CHD3: variants seen among roughly 807,000 people sequenced by gnomAD.
CHD3 encodes the protein chromodomain helicase DNA binding protein 3, also known as ATP-dependent chromatin remodeler CHD3.
Under a neutral mutation model 248.9 loss-of-function variants are expected in CHD3, and 52 were observed. The observed-to-expected ratio is 0.21, with a 90% CI of 0.17 to 0.26. The LOEUF is 0.26. Ranked by LOEUF, CHD3 falls within the 10% of genes least tolerant of loss-of-function variation. The pLI, the probability that CHD3 is intolerant of heterozygous loss-of-function variation, is 1.00. For missense variants in CHD3, 1,482 were observed against 2,605.8 expected (o/e 0.57, Z 9.39); for synonymous variants, 985 against 985.2 (o/e 1.00, Z 0.00).
At chr17:7,887,047 TG>T (rs1446429816), upstream of CHD3, among the ~76,000 whole-genome samples, 2 of 152,104 alleles carry the variant, frequency 1.3e-5, no homozygotes, top group African/African-American at 2.4e-5. Context: ...GTCGAATGAG[TG>T]ACCCAGATAC....
Position 7,900,178 on chromosome 17 carries a change from G to A in CHD3, c.2683-112G>A, listed in dbSNP as rs1970141063. ...AGAGGGAGAGGGCCAGAGATTTGGG[G>A]CCTCTGATCCTGAGTGAAATGGGAG... On this transcript the variant is annotated intron_variant, in intron 16 of 39. Transcript: ENST00000330494. The surrounding 1 kb of genome is among the most constrained non-coding windows in gnomAD (Gnocchi z 6.5). 1 of 1,538,258 alleles carries A rather than the reference G, an allele frequency of 6.5e-7. No homozygotes were observed. Among genetic ancestry groups the A allele is most frequent in the Admixed American group, 1.8e-5 (1 of 54,952 alleles).
rs1332789015 is a variant in CHD3, at chr17:7,890,816, G to T, written c.384+75G>T. The T allele has an allele frequency of 3.2e-6, 5 of 1,581,608 alleles. No individual in the cohort carries two copies. In the African/African-American group the frequency reaches 6.8e-5, roughly 21 times the overall value. On this transcript the variant is annotated intron_variant, in intron 3 of 39. Coordinates refer to ENST00000330494, the MANE Select transcript of CHD3 (RefSeq NM_001005273.3). ...ATGAGGAGGGGAGGAATGGAGACTG[G>T]ACTGGAGAATGGGGCAAGAAGCAAG...
chr17:7,899,519 G>A lies in CHD3; in HGVS notation c.2520G>A (p.Gly840=), dbSNP rs1229570465. The A allele has an allele frequency of 6.2e-7, 1 of 1,614,052 alleles. No homozygotes were observed. The highest frequency in any genetic ancestry group is 2.2e-5 in the East Asian group (1 of 44,884). The part of the protein sequence containing the change: ...EFSFEDNAIK[G]GKKAFKMKRE... ...CCTTTGAGGACAATGCCATCAAAGG[G>A]GGCAAGAAAGCTTTTAAGATGAAGG... Residue 840 remains glycine, a synonymous_variant, in exon 15 of 40, where the codon GGG becomes GGA. Transcript: ENST00000330494. The surrounding 1 kb of genome is among the most constrained non-coding windows in gnomAD (Gnocchi z 6.8).
In CHD3 at chr17:7,911,007, C is replaced by T. The variant is rs377459179; in HGVS notation, c.5881+34C>T. ...GTGTTTTCCTACCCCCTGCTACTCA[C>T]ACTCCTCCTTTGCCAAACTTTATTT... On this transcript the variant is annotated intron_variant, in intron 39 of 39. Transcript: ENST00000330494. This position sits in a 1 kb window ranked among gnomAD's most constrained non-coding sequence, Gnocchi z 5.4. The T allele has an allele frequency of 5.0e-6, 8 of 1,610,388 alleles. No individual in the cohort carries two copies. In the African/African-American group the frequency reaches 9.4e-5, roughly 19 times the overall value.
In CHD3 at chr17:7,906,613, C is replaced by T; in HGVS notation, c.4419C>T (p.Thr1473=). ...LCEPGADGSE[T]FADGVPREGL... is the part of the protein sequence containing the mutation. ...AGCCTGGGGCAGACGGCTCTGAAAC[C>T]TTTGCCGATGGGGTCCCTCGGGAGG... is the stretch of plus-strand genomic sequence containing the variant. The change falls in exon 29 of 40, where the codon ACC becomes ACT. Residue 1473 remains threonine, a synonymous_variant. Transcript: ENST00000330494. This position sits in a 1 kb window ranked among gnomAD's most constrained non-coding sequence, Gnocchi z 5.0. 4 of 1,614,010 alleles carry T rather than the reference C, an allele frequency of 2.5e-6. No homozygotes were observed. Among genetic ancestry groups the T allele is most frequent in the Non-Finnish European group, 3.4e-6 (4 of 1,179,962 alleles).
chr17:7,907,859 C>T lies in CHD3; in HGVS notation c.5027-35C>T. 1 of 1,597,502 alleles carries T rather than the reference C, an allele frequency of 6.3e-7. No individual in the cohort carries two copies. The highest frequency in any genetic ancestry group is 8.6e-7 in the Non-Finnish European group (1 of 1,169,228). ...TCTTGGGACCTGGGAGGAGGGTGTC[C>T]TGAGGTGTGAGCTTTGACCTGTCTG... On this transcript the variant is annotated intron_variant, in intron 33 of 39. Coordinates refer to ENST00000330494, the MANE Select transcript of CHD3 (RefSeq NM_001005273.3). The surrounding 1 kb of genome is among the most constrained non-coding windows in gnomAD (Gnocchi z 4.3).
At position 7,905,709 on chromosome 17, in the gene CHD3, G is replaced by A. The variant is rs770684177; in HGVS notation, c.4224+3G>A. The A allele has an allele frequency of 3.1e-6, 5 of 1,612,648 alleles. No individual in the cohort carries two copies. In the South Asian group the frequency reaches 3.3e-5, roughly 11 times the overall value. Reference sequence around the variant, plus strand: ...CCCGAGTCGGGGGCAACATTGAGGTGAGAGCTGGGCCCAGTGTTCCTGAGT... The same window carrying A: ...CCCGAGTCGGGGGCAACATTGAGGTAAGAGCTGGGCCCAGTGTTCCTGAGT... On this transcript the variant is annotated splice_donor_region_variant and intron_variant, in intron 27 of 39. Transcript: ENST00000330494. The surrounding 1 kb of genome is among the most constrained non-coding windows in gnomAD (Gnocchi z 5.8).
upstream of CHD3, among the ~76,000 whole-genome samples, chr17:7,886,120 C>G (rs529270852): frequency 6.6e-6 from 1 of 152,338 alleles, no homozygotes; most frequent in South Asian, 2.1e-4. The surrounding 1 kb of genome is among the most constrained non-coding windows in gnomAD (Gnocchi z 4.2). Flanking sequence ...TCGCTGAAAC[C>G]ACCCACTCCC....
chr17:7,898,097 A>G lies in CHD3; in HGVS notation c.2046A>G (p.Arg682=), dbSNP rs1222010921. Residue 682 remains arginine, a synonymous_variant, in exon 12 of 40, where the codon AGA becomes AGG. Coordinates refer to ENST00000330494, the MANE Select transcript of CHD3 (RefSeq NM_001005273.3). The stretch of plus-strand genomic sequence containing the variant: ...AAGAACATAAGCAAAGCTACTGGAG[A>G]CACCGGTGAGGGAATGAGCTTGTGG... ...EYEEHKQSYW[R]HRELIMGEDP... 6.2e-7 allele frequency: 1 copy of G among 1,613,184 alleles called. No homozygotes were observed. The highest frequency in any genetic ancestry group is 2.2e-5 in the East Asian group (1 of 44,888).
Position 7,893,559 on chromosome 17 carries a change from A to G in CHD3, c.783A>G (p.Lys261=), listed in dbSNP as rs1969197915. The stretch of plus-strand genomic sequence containing the variant: ...CACCCATCCGAAGAGCCAAAACCAA[A>G]GAGGGCAAAGGTAGGGAACTCTCTT... ...QPPPIRRAKT[K]EGKGPGHKRR... Residue 261 remains lysine, a synonymous_variant, in exon 5 of 40, where the codon AAA becomes AAG. Coordinates refer to ENST00000330494, the MANE Select transcript of CHD3 (RefSeq NM_001005273.3). 1.3e-6 allele frequency: 2 copies of G among 1,579,166 alleles called. No homozygotes were observed. The highest frequency in any genetic ancestry group is 1.7e-6 in the Non-Finnish European group (2 of 1,160,982).
intron 21 of CHD3, 69 bp downstream of exon 21, chr17:7,902,796 G>A: frequency 6.3e-7 from 1 of 1,589,246 alleles, no homozygotes; most frequent in South Asian, 1.1e-5. Context: ...TCCCTGGGAT[G>A]GGAGGGGGAC....
At chr17:7,901,954 G>A (rs112859347) in intron 20 of CHD3, among the ~76,000 whole-genome samples, 51 of 152,246 alleles carry the variant, frequency 3.3e-4, no homozygotes, top group African/African-American at 1.2e-3. Context: ...TGAGGGTGAA[G>A]GGCACAGACC....
upstream of CHD3, chr17:7,885,046 G>GCCACCA: frequency 9.5e-7 from 1 of 1,049,088 alleles, no homozygotes. Flanking sequence ...CGCCGCCGCC[G>GCCACCA]CCACCGCTGC....
chr17:7,890,872 C>A, intron 3 of CHD3, 68 bp from the exon 4 acceptor site: 1 of 1,604,128 alleles, frequency 6.2e-7, no homozygotes, highest in Non-Finnish European at 8.5e-7. Flanking sequence ...GGTAGGTAGA[C>A]AGGCCTGTGT....
In CHD3 at chr17:7,907,436, G is replaced by A; in HGVS notation, c.4872G>A (p.Val1624=). ...CTCTAGAGGATGAGGTGCCAGGGGT[G>A]CCTGGAGAGATGGAGCCTGAACCTG... The part of the protein sequence containing the change: ...KIPLEDEVPG[V]PGEMEPEPGY... The change falls in exon 32 of 40, where the codon GTG becomes GTA. Residue 1624 remains valine, a synonymous_variant. Transcript: ENST00000330494. This position sits in a 1 kb window ranked among gnomAD's most constrained non-coding sequence, Gnocchi z 4.3. The A allele has an allele frequency of 6.2e-7, 1 of 1,611,272 alleles. No individual in the cohort carries two copies. The highest frequency in any genetic ancestry group is 1.3e-5 in the African/African-American group (1 of 74,976).
chr17:7,886,608 G>A (rs145820212), upstream of CHD3, among the ~76,000 whole-genome samples: 14 of 152,260 alleles, frequency 9.2e-5, no homozygotes, highest in East Asian at 2.7e-3. The surrounding 1 kb of genome is among the most constrained non-coding windows in gnomAD (Gnocchi z 4.2). Flanking sequence ...CGCCCCCCAA[G>A]CTTGTCTGAA....
intron 2 of CHD3, chr17:7,890,285 G>A: frequency 3.7e-6 from 1 of 268,922 alleles, no homozygotes; most frequent in South Asian, 7.8e-5. Context: ...ACAAAAATCA[G>A]CCGGGCGCGG....
chr17:7,907,047 G>A lies in CHD3; in HGVS notation c.4666+16G>A. On this transcript the variant is annotated intron_variant, in intron 30 of 39. Transcript: ENST00000330494. The surrounding 1 kb of genome is among the most constrained non-coding windows in gnomAD (Gnocchi z 4.3). ...TCTAAACCTGGTAATCAGAAGTCAG[G>A]ATGGTGGGAGAGACAGAAAGGGAGC... 1.2e-6 allele frequency: 2 copies of A among 1,613,996 alleles called. No individual in the cohort carries two copies. Among genetic ancestry groups the A allele is most frequent in the Non-Finnish European group, 8.5e-7 (1 of 1,179,896 alleles).
At chr17:7,886,400 TCTGG>T (rs1206929791), upstream of CHD3, among the ~76,000 whole-genome samples, 1 of 152,198 alleles carries the variant, frequency 6.6e-6, no homozygotes, top group Non-Finnish European at 1.5e-5. This position sits in a 1 kb window ranked among gnomAD's most constrained non-coding sequence, Gnocchi z 4.2. Context: ...CCCCCGGGCC[TCTGG>T]CTGCCATGCG....
Sources: gnomAD v4.1 joint callset for allele counts (sites outside exome capture counted in the v4.1 genomes callset) on GRCh38, gnomAD v4.1.1 for gene constraint, Gnocchi (gnomAD v3.1) non-coding constraint, MANE v1.5 for transcripts, NCBI Gene and HGNC (gene_info 2026-07-23, HGNC 2026-07-21) for gene names.